Variants in EBF1 observed in about 807,000 individuals in gnomAD.
The protein encoded by EBF1 is transcription factor COE1.
A neutral mutation model predicts 68.4 loss-of-function variants in EBF1; 10 were observed. The ratio of observed to expected loss-of-function variants is 0.15; its 90% CI spans 0.09 to 0.25. EBF1 has a LOEUF of 0.25. Among genes scored for constraint, EBF1 ranks in the 10% least tolerant of loss-of-function variants. The probability of loss-of-function intolerance (pLI) is 1.00; values close to 1 mark genes in which losing one functional copy is unlikely to be tolerated. For synonymous variants in EBF1, 298 were observed against 299.8 expected (o/e 0.99, Z 0.06); for missense variants, 509 against 794.4 (o/e 0.64, Z 4.32).
chr5:158,822,722 C>T (rs1389075760), intron 8 of EBF1, among the ~76,000 whole-genome samples: 1 of 152,220 alleles, frequency 6.6e-6, no homozygotes, highest in African/African-American at 2.4e-5. Context: ...CACAGAGATA[C>T]ACCAGGAGGG....
In EBF1 at chr5:158,930,889, A is replaced by C. The variant is rs867077770; in HGVS notation, c.555-90779T>G. On this transcript the variant is annotated intron_variant, in intron 6 of 15. Coordinates refer to ENST00000313708, the MANE Select transcript of EBF1 (RefSeq NM_024007.5). Reference sequence around the variant, plus strand: ...TCCTTTAATTTTCTCAGGTTACCCAAAAAAAAAAACACATTTTCATATCTT... The same window carrying C: ...TCCTTTAATTTTCTCAGGTTACCCACAAAAAAAAACACATTTTCATATCTT... Among the ~76,000 whole-genome samples the C allele has an allele frequency of 2.2e-3, 281 of 129,464 alleles. 1 individual carries two copies. Among genetic ancestry groups the C allele is most frequent in the African/African-American group, 7.7e-3 (274 of 35,662 alleles). The allele number at this position is 129,464 out of a possible 152,430, so 84.9% of individuals were successfully genotyped here.
intron 7 of EBF1, among the ~76,000 whole-genome samples, chr5:158,837,700 T>A (rs1053912441): frequency 3.3e-5 from 5 of 152,172 alleles, no homozygotes; most frequent in African/African-American, 1.2e-4. Flanking sequence ...TTTTCAGACA[T>A]TTTACTAGTA....
rs569276998 is a variant in EBF1 at position 158,758,912 on chromosome 5, TCAC to T, written c.1036+18498_1036+18500del. ...TAATATGTTGTCACTCCCATATTTATCACCACATTTCCTGAATCATCCAGCTTC... is the reference window on the plus strand; with the variant it reads ...TAATATGTTGTCACTCCCATATTTATCACATTTCCTGAATCATCCAGCTTC... On this transcript the variant is annotated intron_variant, in intron 10 of 15. Coordinates refer to ENST00000313708, the MANE Select transcript of EBF1 (RefSeq NM_024007.5). Among the ~76,000 whole-genome samples, 25 of 152,320 alleles carry T rather than the reference TCAC, an allele frequency of 1.6e-4. 1 individual carries two copies. In the South Asian group the frequency reaches 5.0e-3, roughly 30 times the overall value.
At chr5:158,871,591 T>C (rs1315432053) in intron 6 of EBF1, among the ~76,000 whole-genome samples, 3 of 152,182 alleles carry the variant, frequency 2.0e-5, no homozygotes, top group Non-Finnish European at 4.4e-5. Flanking sequence ...CAAATGATGC[T>C]CTGACTTTAT....
chr5:159,045,709 A>G (rs144348219), intron 6 of EBF1, among the ~76,000 whole-genome samples: 361 of 152,344 alleles, frequency 2.4e-3, no homozygotes, highest in African/African-American at 8.4e-3. Context: ...ATGGAAGTCC[A>G]AAGCTGTTTG....
At chr5:158,714,418 T>C (rs1760164329) in intron 11 of EBF1, among the ~76,000 whole-genome samples, 1 of 152,222 alleles carries the variant, frequency 6.6e-6, no homozygotes, top group Non-Finnish European at 1.5e-5. Flanking sequence ...CATCACTCAA[T>C]AGTCTGCCAT....
intron 6 of EBF1, among the ~76,000 whole-genome samples, chr5:158,851,200 C>A (rs1001178001): frequency 6.6e-6 from 1 of 151,342 alleles, no homozygotes; most frequent in Non-Finnish European, 1.5e-5. Flanking sequence ...CATGGTGAAA[C>A]CTCGTCTCTA....
At chr5:159,099,163 G>T (rs1783178266) in intron 1 of EBF1, among the ~76,000 whole-genome samples, 182 bp downstream of exon 1, 1 of 152,162 alleles carries the variant, frequency 6.6e-6, no homozygotes, top group Admixed American at 6.5e-5. Context: ...TCCTCCGGCC[G>T]CAGGCGACGA....
chr5:158,927,957 A>C (rs1339583263), intron 6 of EBF1, among the ~76,000 whole-genome samples: 1 of 152,218 alleles, frequency 6.6e-6, no homozygotes, highest in Non-Finnish European at 1.5e-5. Flanking sequence ...TAGGCTTCAC[A>C]CCCAGGCAGC....
intron 7 of EBF1, among the ~76,000 whole-genome samples, chr5:158,832,343 C>T (rs1402291241): frequency 6.6e-6 from 1 of 152,212 alleles, no homozygotes; most frequent in Non-Finnish European, 1.5e-5. Context: ...TACATATTTG[C>T]CCAATAAGCC....
chr5:158,958,426 G>A, intron 6 of EBF1, among the ~76,000 whole-genome samples: 1 of 152,082 alleles, frequency 6.6e-6, no homozygotes, highest in East Asian at 1.9e-4. Context: ...CGGCCTTAGA[G>A]TGAGGTTCCG....
At chr5:158,880,690 C>T (rs1338307038) in intron 6 of EBF1, among the ~76,000 whole-genome samples, 1 of 152,084 alleles carries the variant, frequency 6.6e-6, no homozygotes, top group Non-Finnish European at 1.5e-5. Context: ...AATCGCTTGC[C>T]GATTTAAATA....
intron 9 of EBF1, among the ~76,000 whole-genome samples, chr5:158,780,570 A>G (rs1166320544): frequency 6.6e-6 from 1 of 152,200 alleles, no homozygotes; most frequent in East Asian, 1.9e-4. Context: ...TGGAAAACTG[A>G]TATCAACTGC....
Position 159,095,608 on chromosome 5 carries a change from C to T in EBF1, c.411+12G>A. On this transcript the variant is annotated intron_variant, in intron 4 of 15. Coordinates refer to ENST00000313708, the MANE Select transcript of EBF1 (RefSeq NM_024007.5). ...CATAGAGCCCCCCGTGGCCCAAAAT[C>T]AAGAAACTTACTTGTTTTGTCATGG... 1 of 1,613,736 alleles carries T rather than the reference C, an allele frequency of 6.2e-7. No homozygotes were observed. Among genetic ancestry groups the T allele is most frequent in the Non-Finnish European group, 8.5e-7 (1 of 1,179,830 alleles).
At chr5:158,810,635 C>T (rs568038536) in intron 8 of EBF1, among the ~76,000 whole-genome samples, 1 of 152,258 alleles carries the variant, frequency 6.6e-6, no homozygotes, top group South Asian at 2.1e-4. Context: ...CTGCTGATTG[C>T]AACTGTCAAT....
intron 6 of EBF1, among the ~76,000 whole-genome samples, chr5:159,005,711 G>C (rs1763426670): frequency 6.6e-6 from 1 of 152,128 alleles, no homozygotes; most frequent in Non-Finnish European, 1.5e-5. Context: ...TATGATGATA[G>C]AATGCAGTGG....
Position 158,907,950 on chromosome 5 carries a change from A to T in EBF1, c.555-67840T>A, listed in dbSNP as rs574758003. On this transcript the variant is annotated intron_variant, in intron 6 of 15. Coordinates refer to ENST00000313708, the MANE Select transcript of EBF1 (RefSeq NM_024007.5). ...AATCGAGAAATTAGAAGCTGTGTTGACTTTTCAGAAGTGTAACTAATAGCT... is the reference window on the plus strand; with the variant it reads ...AATCGAGAAATTAGAAGCTGTGTTGTCTTTTCAGAAGTGTAACTAATAGCT... 3.3e-5 allele frequency among the ~76,000 whole-genome samples: 5 copies of T among 152,244 alleles called. No homozygotes were observed. In the East Asian group the frequency reaches 9.6e-4, roughly 29 times the overall value.
intron 10 of EBF1, among the ~76,000 whole-genome samples, chr5:158,747,669 T>C (rs1767887102): frequency 1.3e-5 from 2 of 152,196 alleles, no homozygotes; most frequent in Non-Finnish European, 2.9e-5. Flanking sequence ...AAGGCTGTTT[T>C]GCAAAAACCT....
At chr5:159,057,931 T>A (rs1399365240) in intron 6 of EBF1, among the ~76,000 whole-genome samples, 1 of 152,232 alleles carries the variant, frequency 6.6e-6, no homozygotes, top group Non-Finnish European at 1.5e-5. Flanking sequence ...TAAAAAGAGC[T>A]GAACCCATGT....
Sources: gnomAD v4.1 joint callset for allele counts (sites outside exome capture counted in the v4.1 genomes callset) on GRCh38, gnomAD v4.1.1 for gene constraint, MANE v1.5 for transcripts, NCBI Gene and HGNC (gene_info 2026-07-23, HGNC 2026-07-21) for gene names.